The following PGAP4 variants were observed in gnomAD, a reference collection of about 807,000 sequenced individuals.
PGAP4 encodes the protein post-GPI attachment to proteins GalNAc transferase 4, also known as GPI-N-acetylgalactosamine transferase PGAP4.
PGAP4 carries 12 observed loss-of-function variants against 28.2 expected under a neutral mutation model. That is an observed-to-expected ratio of 0.42 (90% CI 0.27 to 0.69). The LOEUF (loss-of-function observed/expected upper bound fraction) is 0.69, where lower values mean the gene tolerates loss of function less well. Among genes scored for constraint, PGAP4 ranks in the 30% least tolerant of loss-of-function variants. PGAP4 has a pLI of 0.22. For missense variants in PGAP4, 425 were observed against 513.5 expected (o/e 0.83, Z 1.67); for synonymous variants, 205 against 211.8 (o/e 0.97, Z 0.28).
Position 101,532,844 on chromosome 9 carries a change from CAA to C in PGAP4, c.-546_-545del, listed in dbSNP as rs549354175. Reference sequence around the variant, plus strand: ...AGGTAAGCCCTAGCAGGTACAGGGACAAAAGTCTTCACACTAACAGAAATCCA... The same window carrying C: ...AGGTAAGCCCTAGCAGGTACAGGGACAAGTCTTCACACTAACAGAAATCCA... On this transcript the variant is annotated 5_prime_UTR_variant, in exon 1 of 4. Transcript: ENST00000374851. The C allele has an allele frequency of 2.0e-3, 312 of 152,288 alleles. 1 individual carries two copies. Among genetic ancestry groups the C allele is most frequent in the African/African-American group, 7.0e-3 (289 of 41,552 alleles). 9.4% of individuals were successfully genotyped at this position (152,288 alleles called of 1,614,324 possible). A position where few individuals can be genotyped will look rare whatever the true frequency, so the allele number is the denominator to read the frequency against.
intron 2 of PGAP4, among the ~76,000 whole-genome samples, chr9:101,504,629 G>A (rs566080616): frequency 1.9e-4 from 29 of 152,052 alleles, no homozygotes; most frequent in African/African-American, 5.1e-4. Context: ...GAGTTTGTTT[G>A]TGCTGTCATA....
chr9:101,517,912 A>C (rs977572250), intron 2 of PGAP4, among the ~76,000 whole-genome samples: 2 of 152,016 alleles, frequency 1.3e-5, no homozygotes, highest in African/African-American at 4.8e-5. Context: ...TAGATTCAAG[A>C]GATGTATGTG....
chr9:101,479,410 T>TGAGATAGG (rs1229257348), intron 1 of PGAP4, among the ~76,000 whole-genome samples: 7 of 152,016 alleles, frequency 4.6e-5, no homozygotes, highest in Non-Finnish European at 1.0e-4. Context: ...CTAGAGACAA[T>TGAGATAGG]GAGATAGGGC....
At chr9:101,501,633 A>C in intron 2 of PGAP4, 1 of 490,836 alleles carries the variant, frequency 2.0e-6, no homozygotes, top group Non-Finnish European at 4.1e-6. Context: ...TTTATAGTGA[A>C]ACATTTCATT....
At position 101,505,945 on chromosome 9, in the gene PGAP4, A is replaced by G. The variant is rs184032964; in HGVS notation, c.-164-16745T>C. Among the ~76,000 whole-genome samples, 448 of 152,276 alleles carry G rather than the reference A, an allele frequency of 2.9e-3. 2 individuals are homozygous for G. Among genetic ancestry groups the G allele is most frequent in the Non-Finnish European group, 4.9e-3 (332 of 68,004 alleles). On this transcript the variant is annotated intron_variant, in intron 2 of 3. Coordinates refer to the PGAP4 transcript ENST00000374851. ...GATAAAAAACAAAGAGCTTCCAAAT[A>G]TTGATTTTGCAATTTCAGCAACTCC...
upstream of PGAP4, among the ~76,000 whole-genome samples, chr9:101,491,805 C>A (rs897274276): frequency 7.8e-5 from 8 of 102,272 alleles, no homozygotes; most frequent in Admixed American, 2.1e-4. Flanking sequence ...AGAATGAAAT[C>A]TTAAAGGATA....
chr9:101,514,639 A>G (rs1028598753), intron 2 of PGAP4, among the ~76,000 whole-genome samples: 1 of 152,098 alleles, frequency 6.6e-6, no homozygotes, highest in African/African-American at 2.4e-5. Context: ...GTTTGCATCT[A>G]TTGAAATGCT....
rs1322262180 is a variant in PGAP4, at chr9:101,476,260, C to G, written c.833G>C (p.Trp278Ser). 14 of 1,613,988 alleles carry G rather than the reference C, an allele frequency of 8.7e-6. No individual in the cohort carries two copies. Among genetic ancestry groups the G allele is most frequent in the African/African-American group, 2.7e-5 (2 of 74,900 alleles). The change falls in exon 2 of 2, where the codon TGG becomes TCG. Residue 278 changes from tryptophan (W) to serine (S), a missense_variant. By Grantham distance (177) the Trp-to-Ser change is radical (BLOSUM62 -3). Transcript: ENST00000374848. The surrounding 1 kb of genome is among the most constrained non-coding windows in gnomAD (Gnocchi z 7.0). ...VGMLLGPLLT[W>S]IYMRFASRPG... The stretch of plus-strand genomic sequence containing the variant: ...GCGGCTGGCAAACCTCATGTATATC[C>G]AGGTTAGTAAGGGCCCCAGCAACAT...
At chr9:101,513,961 G>A (rs1417274730) in intron 2 of PGAP4, among the ~76,000 whole-genome samples, 1 of 152,096 alleles carries the variant, frequency 6.6e-6, no homozygotes, top group Non-Finnish European at 1.5e-5. Flanking sequence ...AGGGCAGGAG[G>A]AGACTGTCTC....
Position 101,473,893 on chromosome 9 carries a change from T to A in PGAP4, c.*1988A>T, listed in dbSNP as rs1826223327. On this transcript the variant is annotated 3_prime_UTR_variant, in exon 2 of 2. Coordinates refer to ENST00000374848, the MANE Select transcript of PGAP4 (RefSeq NM_032342.3). ...GGAATGAAGGAGTGGGATCTGAACA[T>A]TGTAATAAGTCATCTAGTAGCTCTG... The A allele has an allele frequency of 6.6e-6, 1 of 152,182 alleles. No individual in the cohort carries two copies. The highest frequency in any genetic ancestry group is 2.4e-5 in the African/African-American group (1 of 41,412). 9.4% of individuals were successfully genotyped at this position (152,182 alleles called of 1,614,324 possible).
chr9:101,484,291 G>A (rs1275809188), intron 1 of PGAP4, among the ~76,000 whole-genome samples: 2 of 152,024 alleles, frequency 1.3e-5, no homozygotes, highest in Non-Finnish European at 2.9e-5. Flanking sequence ...GAGGAAGAGG[G>A]TGGGAGGGTG....
At chr9:101,500,311 C>CTT (rs1419249606) in intron 2 of PGAP4, among the ~76,000 whole-genome samples, 1 of 151,904 alleles carries the variant, frequency 6.6e-6, no homozygotes, top group African/African-American at 2.4e-5. Flanking sequence ...ATTTTCTTGT[C>CTT]TTTTTTAGTT....
chr9:101,508,890 G>A (rs1043558132), intron 2 of PGAP4, among the ~76,000 whole-genome samples: 2 of 152,116 alleles, frequency 1.3e-5, no homozygotes, highest in Non-Finnish European at 2.9e-5. Context: ...CTGTAACCTC[G>A]TTTTATTTGC....
intron 2 of PGAP4, among the ~76,000 whole-genome samples, chr9:101,508,866 A>T (rs1480618116): frequency 1.3e-5 from 2 of 152,180 alleles, no homozygotes; most frequent in Non-Finnish European, 2.9e-5. Flanking sequence ...TGTGTTGCTT[A>T]CATTCAGTCT....
chr9:101,479,601 G>T (rs114127827), intron 1 of PGAP4, among the ~76,000 whole-genome samples: 2,274 of 152,284 alleles, frequency 0.015, 68 homozygotes, highest in African/African-American at 0.051. Context: ...TTAAAACTAC[G>T]TCTGTGAGAC....
chr9:101,511,267 C>T (rs935753458), intron 2 of PGAP4, among the ~76,000 whole-genome samples: 1 of 152,146 alleles, frequency 6.6e-6, no homozygotes, highest in East Asian at 1.9e-4. Flanking sequence ...CACTCACCTC[C>T]TGCTGTGTGG....
intron 1 of PGAP4, among the ~76,000 whole-genome samples, chr9:101,478,903 A>G (rs1205304587): frequency 6.6e-6 from 1 of 152,218 alleles, no homozygotes; most frequent in Non-Finnish European, 1.5e-5. Flanking sequence ...TTATTACAGC[A>G]GTTAGCCTAC....
At chr9:101,484,737 T>C (rs1431030511) in intron 1 of PGAP4, among the ~76,000 whole-genome samples, 1 of 152,200 alleles carries the variant, frequency 6.6e-6, no homozygotes, top group Non-Finnish European at 1.5e-5. Context: ...TTTTGAGAGA[T>C]AAATGTGTCT....
At chr9:101,502,631 T>C (rs1301857458) in intron 2 of PGAP4, among the ~76,000 whole-genome samples, 4 of 152,174 alleles carry the variant, frequency 2.6e-5, no homozygotes, top group South Asian at 4.1e-4. Flanking sequence ...GAAGAATACA[T>C]TGTGTGCCTT....
Sources: gnomAD v4.1 joint callset for allele counts (sites outside exome capture counted in the v4.1 genomes callset) on GRCh38, gnomAD v4.1.1 for gene constraint, Gnocchi (gnomAD v3.1) non-coding constraint, MANE v1.5 for transcripts, NCBI Gene and HGNC (gene_info 2026-07-23, HGNC 2026-07-21) for gene names.